RABGAP1L: variants seen among roughly 807,000 people sequenced by gnomAD.
RABGAP1L encodes the protein RAB GTPase activating protein 1 like.
In RABGAP1L, 63 loss-of-function variants were observed where a neutral mutation model predicts 137.7. The observed-to-expected ratio is 0.46, with a 90% CI of 0.37 to 0.56. The LOEUF is 0.56. Ranked by LOEUF, RABGAP1L falls within the 20% of genes least tolerant of loss-of-function variation. The probability of loss-of-function intolerance (pLI) is 0.00; values close to 1 mark genes in which losing one functional copy is unlikely to be tolerated. For missense variants in RABGAP1L, 1,095 were observed against 1,244.0 expected, an observed-to-expected ratio of 0.88 and a Z score of 1.80; for synonymous variants, 431 against 433.7, an observed-to-expected ratio of 0.99 and a Z score of 0.08.
At chr1:174,590,356 T>A (rs10465510) in intron 13 of RABGAP1L, among the ~76,000 whole-genome samples, 3,107 of 147,786 alleles carry the variant, frequency 0.021, 118 homozygotes, top group African/African-American at 0.071. Context: ...TTATTTATTT[T>A]TTTTTTATTA....
chr1:174,396,327 AC>A (rs1384856496), intron 13 of RABGAP1L, among the ~76,000 whole-genome samples: 1 of 152,152 alleles, frequency 6.6e-6, no homozygotes, highest in Non-Finnish European at 1.5e-5. Flanking sequence ...GTTATGTTTA[AC>A]ACAATAGAAA....
chr1:174,720,282 T>TAGATAGATAGAC (rs1681402007), intron 17 of RABGAP1L, among the ~76,000 whole-genome samples: 1 of 135,804 alleles, frequency 7.4e-6, no homozygotes, highest in Non-Finnish European at 1.5e-5. Flanking sequence ...GATAGATAGA[T>TAGATAGATAGAC]AGATAGATAG....
intron 13 of RABGAP1L, among the ~76,000 whole-genome samples, chr1:174,476,862 A>C (rs1177444245): frequency 6.6e-6 from 1 of 152,168 alleles, no homozygotes; most frequent in Non-Finnish European, 1.5e-5. Flanking sequence ...TGGGGCTTGA[A>C]GATGTTATTT....
chr1:174,318,512 TACTC>T (rs1381956004), intron 11 of RABGAP1L, among the ~76,000 whole-genome samples: 1 of 152,158 alleles, frequency 6.6e-6, no homozygotes, highest in African/African-American at 2.4e-5. Flanking sequence ...TTGATTGAAA[TACTC>T]AATCCATTTA....
At chr1:174,349,716 G>A (rs1682891272) in intron 11 of RABGAP1L, among the ~76,000 whole-genome samples, 1 of 137,514 alleles carries the variant, frequency 7.3e-6, no homozygotes, top group Admixed American at 7.0e-5. Context: ...GGACAGGGCG[G>A]CTGGCCGGGC....
At chr1:174,361,225 G>GTT (rs376884093) in intron 11 of RABGAP1L, among the ~76,000 whole-genome samples, 29 of 133,302 alleles carry the variant, frequency 2.2e-4, no homozygotes, top group African/African-American at 3.8e-4. Context: ...CTCCAGTTTT[G>GTT]TTTTTTTTTT....
At chr1:174,556,652 T>G (rs1310930829) in intron 13 of RABGAP1L, among the ~76,000 whole-genome samples, 1 of 152,194 alleles carries the variant, frequency 6.6e-6, no homozygotes, top group Non-Finnish European at 1.5e-5. Flanking sequence ...TACACATTAC[T>G]TTTCTTTCCT....
intron 18 of RABGAP1L, chr1:174,756,837 T>C (rs1573048282): frequency 1.7e-6 from 1 of 578,862 alleles, no homozygotes; most frequent in East Asian, 5.2e-5. Context: ...GATTGAGGGC[T>C]TCCCAGAAAG....
intron 2 of RABGAP1L, 24 bp downstream of exon 2, chr1:174,219,319 G>A: frequency 7.0e-7 from 1 of 1,432,860 alleles, no homozygotes; most frequent in Non-Finnish European, 9.4e-7. Context: ...TTCTACATAT[G>A]GTATAATTTT....
At chr1:174,804,822 A>G (rs562722862) in intron 18 of RABGAP1L, among the ~76,000 whole-genome samples, 4 of 152,298 alleles carry the variant, frequency 2.6e-5, no homozygotes, top group Admixed American at 2.6e-4. Context: ...TTATGCTGAT[A>G]AATTGCATCC....
chr1:174,259,705 A>G (rs950516888), intron 7 of RABGAP1L, among the ~76,000 whole-genome samples: 20 of 152,206 alleles, frequency 1.3e-4, no homozygotes, highest in African/African-American at 4.8e-4. Flanking sequence ...TGGATATCAC[A>G]TATTAAGCTT....
chr1:174,762,163 C>T (rs989248795), intron 18 of RABGAP1L, among the ~76,000 whole-genome samples: 1 of 152,078 alleles, frequency 6.6e-6, no homozygotes, highest in Non-Finnish European at 1.5e-5. Flanking sequence ...TAAATTTTTT[C>T]TTGCTTAAAG....
At chr1:174,279,790 T>C (rs1017979452) in intron 10 of RABGAP1L, among the ~76,000 whole-genome samples, 1 of 152,150 alleles carries the variant, frequency 6.6e-6, no homozygotes, top group Non-Finnish European at 1.5e-5. Flanking sequence ...TATTTTATTA[T>C]GAGACTTTTT....
chr1:174,437,798 A>G (rs1312520176), intron 13 of RABGAP1L, among the ~76,000 whole-genome samples: 1 of 152,208 alleles, frequency 6.6e-6, no homozygotes, highest in Non-Finnish European at 1.5e-5. Context: ...TGAAGGAAAA[A>G]ATGTTAAGGG....
chr1:174,387,188 C>T (rs1686864324), intron 12 of RABGAP1L, among the ~76,000 whole-genome samples: 1 of 152,176 alleles, frequency 6.6e-6, no homozygotes, highest in Non-Finnish European at 1.5e-5. Context: ...GGCTGTTTCA[C>T]ATTTCTTGAC....
chr1:174,830,809 T>G (rs971396821), intron 19 of RABGAP1L, among the ~76,000 whole-genome samples: 2 of 148,058 alleles, frequency 1.4e-5, no homozygotes, highest in African/African-American at 4.9e-5. Flanking sequence ...CAAAAATACT[T>G]CACAAAACCA....
chr1:174,677,062 G>C (rs780161459), intron 14 of RABGAP1L, among the ~76,000 whole-genome samples: 1 of 151,280 alleles, frequency 6.6e-6, no homozygotes, highest in Non-Finnish European at 1.5e-5. Context: ...TGGCTCATGC[G>C]TGTAATCCAA....
At chr1:174,611,678 C>T (rs984272880) in intron 13 of RABGAP1L, among the ~76,000 whole-genome samples, 31 of 151,364 alleles carry the variant, frequency 2.0e-4, no homozygotes, top group Non-Finnish European at 4.3e-4. Context: ...TTGATTCTTC[C>T]TACCCATGAG....
At chr1:174,678,853 G>A (rs963272788) in intron 14 of RABGAP1L, among the ~76,000 whole-genome samples, 4 of 152,334 alleles carry the variant, frequency 2.6e-5, no homozygotes, top group Non-Finnish European at 5.9e-5. Flanking sequence ...GGCAGTGGGC[G>A]CCACCTCACT....
Sources: allele counts gnomAD v4.1 joint callset (sites outside exome capture counted in the v4.1 genomes callset), GRCh38; gene constraint gnomAD v4.1.1; transcripts MANE v1.5; gene names NCBI Gene and HGNC (gene_info 2026-07-23, HGNC 2026-07-21).